The following AP4B1 variants were observed in gnomAD, a reference collection of about 807,000 sequenced individuals.
AP4B1 encodes the protein AP-4 complex subunit beta-1.
A neutral mutation model predicts 76.5 loss-of-function variants in AP4B1; 49 were observed. The ratio of observed to expected loss-of-function variants is 0.64; its 90% CI spans 0.51 to 0.81. AP4B1 has a LOEUF of 0.81. Among genes scored for constraint, AP4B1 ranks in the 40% least tolerant of loss-of-function variants. AP4B1 has a pLI of 0.00. For synonymous variants in AP4B1, 330 were observed against 333.3 expected, an observed-to-expected ratio of 0.99 and a Z score of 0.11; for missense variants, 911 against 904.9, an observed-to-expected ratio of 1.01 and a Z score of -0.09.
chr1:113,895,151 GTTTCACAGAGA>G lies in AP4B1; in HGVS notation c.2123_2133del (p.Ile708ThrfsTer3). ...AGCGTCTCCGTTCTTGCTTCATTTT[GTTTCACAGAGA>G]TCTGCATTTCTGAGTTTCCAGGCTC... On this transcript the variant is annotated frameshift_variant, in exon 10 of 10. Transcript: ENST00000369569. LOFTEE classifies it high-confidence loss of function. 2.5e-6 allele frequency: 4 copies of G among 1,614,168 alleles called. No homozygotes were observed. The highest frequency in any genetic ancestry group is 2.5e-6 in the Non-Finnish European group (3 of 1,180,030).
In AP4B1 at chr1:113,895,905, C is replaced by T. The variant is rs376974229; in HGVS notation, c.1644G>A (p.Pro548=). ...CCCAGCTATTCACAGGTCTTTCTGC[C>T]GGATCCTCCAAAAGTCCAAGAGTAG... is the stretch of plus-strand genomic sequence containing the variant. The part of the protein sequence containing the change: ...SDPTLGLLED[P]AERPVNSWAS... The change falls in exon 9 of 10, where the codon CCG becomes CCA. Residue 548 remains proline (P), a synonymous_variant. Transcript: ENST00000369569. The T allele has an allele frequency of 1.7e-5, 27 of 1,614,062 alleles. No individual in the cohort carries two copies. Among genetic ancestry groups the T allele is most frequent in the South Asian group, 8.8e-5 (8 of 91,092 alleles).
rs1667302588 is a variant in AP4B1, at chr1:113,895,131, C to T, written c.2154G>A (p.Glu718=). The change falls in exon 10 of 10, where the codon GAG becomes GAA. Residue 718 remains glutamate (E), a synonymous_variant. Transcript: ENST00000369569. The part of the protein sequence containing the change: ...ISVKQNEART[E]TLNSFISVLE... The stretch of plus-strand genomic sequence containing the variant: ...ATACAGAAATAAAACTATTCAGCGT[C>T]TCCGTTCTTGCTTCATTTTGTTTCA... 1.2e-6 allele frequency: 2 copies of T among 1,614,070 alleles called. No homozygotes were observed. Among genetic ancestry groups the T allele is most frequent in the East Asian group, 4.5e-5 (2 of 44,898 alleles).
In AP4B1 at chr1:113,900,221, A is replaced by G. The variant is rs1668062045; in HGVS notation, c.797T>C (p.Phe266Ser). Residue 266 changes from phenylalanine to serine, a missense_variant, in exon 5 of 10, where the codon TTT becomes TCT. Coordinates refer to ENST00000369569, the MANE Select transcript of AP4B1 (RefSeq NM_001253852.3). ...TKLFLILAKM[F>S]PHVQTDVLVR... ...AAGGACATCAGTTTGTACGTGGGGA[A>G]ACATTTTTGCCAAGATCAGAAAAAG... 6.2e-7 allele frequency: 1 copy of G among 1,610,014 alleles called. No homozygotes were observed. Among genetic ancestry groups the G allele is most frequent in the African/African-American group, 1.3e-5 (1 of 74,724 alleles).
At position 113,898,714 on chromosome 1, in the gene AP4B1, T is replaced by C. The variant is rs2101015019; in HGVS notation, c.1198+4A>G. The C allele has an allele frequency of 1.2e-6, 2 of 1,607,488 alleles. No individual in the cohort carries two copies. Among genetic ancestry groups the C allele is most frequent in the Non-Finnish European group, 1.7e-6 (2 of 1,179,336 alleles). On this transcript the variant is annotated splice_donor_region_variant and intron_variant, in intron 6 of 9. Coordinates refer to ENST00000369569, the MANE Select transcript of AP4B1 (RefSeq NM_001253852.3). ...AACAAAAATCCTAAAAAGGCAGGCA[T>C]TACCTGTGGTAATGTGCTCTTGTCG...
In AP4B1 at chr1:113,900,407, A is replaced by T; in HGVS notation, c.618-7T>A. The T allele has an allele frequency of 3.7e-6, 6 of 1,613,522 alleles. No homozygotes were observed. The highest frequency in any genetic ancestry group is 5.1e-6 in the Non-Finnish European group (6 of 1,179,928). ...TTGGTCCAGTTTTGACATTCTATCC[A>T]AAAAACAAAACAAAAGAGCTATTTT... On this transcript the variant is annotated splice_polypyrimidine_tract_variant and splice_region_variant and intron_variant, in intron 4 of 9. Coordinates refer to ENST00000369569, the MANE Select transcript of AP4B1 (RefSeq NM_001253852.3).
chr1:113,901,406 T>C (rs1352873025), intron 3 of AP4B1, 23 bp from the exon 4 acceptor site: 2 of 1,611,698 alleles, frequency 1.2e-6, no homozygotes, highest in East Asian at 2.2e-5. Context: ...ACAAAGTTCT[T>C]AGATAAAGAA....
chr1:113,902,843 C>G lies in AP4B1; in HGVS notation c.133G>C (p.Asp45His). ...ATTTCCATAAAAACACCAGACATGT[C>G]CAAGCCTTGAGTCATGTACCTGAAC... Reference protein sequence around the residue: ...RVIRYMTQGLDMSGVFMEMVK... With the variant: ...RVIRYMTQGLHMSGVFMEMVK... Residue 45 changes from aspartate (D) to histidine (H), a missense_variant, in exon 2 of 10, where the codon GAC (aspartate) becomes CAC (histidine). Asp to His is a moderately conservative substitution (Grantham distance 81, BLOSUM62 -1). Transcript: ENST00000369569. 6.2e-7 allele frequency: 1 copy of G among 1,614,150 alleles called. No homozygotes were observed. The highest frequency in any genetic ancestry group is 8.5e-7 in the Non-Finnish European group (1 of 1,180,016).
Position 113,901,971 on chromosome 1 carries a change from G to A in AP4B1, c.339-86C>T, listed in dbSNP as rs1354282142. The A allele has an allele frequency of 4.0e-6, 6 of 1,499,854 alleles. No individual in the cohort carries two copies. In the Admixed American group the frequency reaches 8.4e-5, roughly 21 times the overall value. The allele number at this position is 1,499,854 out of a possible 1,614,324, so 92.9% of individuals were successfully genotyped here. On this transcript the variant is annotated intron_variant, in intron 2 of 9. Coordinates refer to ENST00000369569, the MANE Select transcript of AP4B1 (RefSeq NM_001253852.3). The stretch of plus-strand genomic sequence containing the variant: ...CCCTGTTCACCTAACAGATGGTTTA[G>A]TAGATGCTGCACCCATCAGATCATG...
chr1:113,899,346 A>C, intron 5 of AP4B1: 1 of 1,011,890 alleles, frequency 9.9e-7, no homozygotes, highest in Non-Finnish European at 1.2e-6. Context: ...GGGTACTATG[A>C]AAAAGTCTGT....
chr1:113,902,222 G>T (rs1668365025), intron 2 of AP4B1: 1 of 397,108 alleles, frequency 2.5e-6, no homozygotes, highest in South Asian at 2.2e-5. Context: ...TGTAGATATA[G>T]GCTCTCACCA....
chr1:113,898,654 G>T, intron 6 of AP4B1, 64 bp downstream of exon 6: 2 of 1,203,932 alleles, frequency 1.7e-6, no homozygotes, highest in South Asian at 2.4e-5. Context: ...AACATGTTTT[G>T]AGCAACTACT....
At chr1:113,899,362 T>G (rs1667921079) in intron 5 of AP4B1, 1 of 1,010,200 alleles carries the variant, frequency 9.9e-7, no homozygotes, top group Admixed American at 5.4e-5. Flanking sequence ...TCTGTAAGAT[T>G]TAGGAATTAT....
At chr1:113,904,892 C>T (rs536181728), upstream of AP4B1, 629 of 644,410 alleles carry the variant, frequency 9.8e-4, 9 homozygotes, top group South Asian at 9.6e-3. Flanking sequence ...GACACACTTC[C>T]ACGCCCTCCG....
chr1:113,898,011 A>C, intron 6 of AP4B1, 68 bp from the exon 7 acceptor site: 1 of 1,609,622 alleles, frequency 6.2e-7, no homozygotes, highest in Non-Finnish European at 8.5e-7. Context: ...TCTTAAGAAC[A>C]GTCATGTATT....
Position 113,901,903 on chromosome 1 carries a change from G to C in AP4B1, c.339-18C>G, listed in dbSNP as rs1299678181. On this transcript the variant is annotated intron_variant, in intron 2 of 9. Transcript: ENST00000369569. The stretch of plus-strand genomic sequence containing the variant: ...CAGGCATCCTAAGCAACACATCCTG[G>C]AGTTAGCCAGATTCTGAAATACTAA... 1.2e-6 allele frequency: 2 copies of C among 1,613,920 alleles called. No individual in the cohort carries two copies. Among genetic ancestry groups the C allele is most frequent in the South Asian group, 2.2e-5 (2 of 91,034 alleles).
At chr1:113,898,066 G>A (rs1225954479) in intron 6 of AP4B1, 123 bp from the exon 7 acceptor site, 15 of 1,542,126 alleles carry the variant, frequency 9.7e-6, no homozygotes, top group Non-Finnish European at 1.3e-5. Flanking sequence ...GGGTTTTGGA[G>A]GTGTGGTCAA....
intron 2 of AP4B1, 131 bp downstream of exon 2, chr1:113,902,507 C>G: frequency 1.1e-6 from 1 of 922,940 alleles, no homozygotes; most frequent in Non-Finnish European, 1.7e-6. Flanking sequence ...GGCTGAAAAT[C>G]TGAGTTCAGG....
chr1:113,902,731 A>C lies in AP4B1; in HGVS notation c.245T>G (p.Leu82Arg). ...MCTYAPLKPD[L>R]ALLAINTLCK... ...CAGCGTATTGATGGCCAGGAGAGCC[A>C]GATCTGGTTTCAGGGGAGCATATGT... The change falls in exon 2 of 10, where the codon CTG (leucine) becomes CGG (arginine). Residue 82 changes from leucine (L) to arginine (R), a missense_variant. Leu to Arg is a moderately radical substitution (Grantham distance 102, BLOSUM62 -2). Coordinates refer to ENST00000369569, the MANE Select transcript of AP4B1 (RefSeq NM_001253852.3). The C allele has an allele frequency of 6.2e-7, 1 of 1,614,238 alleles. No homozygotes were observed.
At chr1:113,902,599 A>G (rs770718045) in intron 2 of AP4B1, 39 bp downstream of exon 2, 5 of 1,591,150 alleles carry the variant, frequency 3.1e-6, no homozygotes, top group Non-Finnish European at 4.3e-6. Context: ...ACTTGAATTC[A>G]TCAGCCATTT....
Sources: allele counts gnomAD v4.1 joint callset, GRCh38; gene constraint gnomAD v4.1.1; transcripts MANE v1.5; gene names NCBI Gene and HGNC (gene_info 2026-07-23, HGNC 2026-07-21).